Variants in ATG14 observed in about 807,000 individuals in gnomAD.
ATG14 encodes autophagy related 14, also known as beclin 1-associated autophagy-related key regulator.
In ATG14, 35 loss-of-function variants were observed where a neutral mutation model predicts 60.4. The observed-to-expected ratio is 0.58, with a 90% CI of 0.44 to 0.77. The LOEUF is 0.77. Ranked by LOEUF, ATG14 falls within the 30% of genes least tolerant of loss-of-function variation. The pLI is 0.00. For synonymous variants in ATG14, 234 were observed against 228.8 expected (o/e 1.02, Z -0.21); for missense variants, 647 against 626.3 (o/e 1.03, Z -0.35).
rs1885579578 is a variant in ATG14 at position 55,411,781 on chromosome 14, A to G, written c.42T>C (p.Ala14=). 1 of 1,604,032 alleles carries G rather than the reference A, an allele frequency of 6.2e-7. No individual in the cohort carries two copies. Among genetic ancestry groups the G allele is most frequent in the Non-Finnish European group, 8.5e-7 (1 of 1,175,886 alleles). The change falls in exon 1 of 10, where the codon GCT becomes GCC. Residue 14 remains alanine (A), a synonymous_variant. Coordinates refer to ENST00000247178, the MANE Select transcript of ATG14 (RefSeq NM_014924.5). The part of the protein sequence containing the change: ...PSGKGARALE[A]PGCGPRPLAR... ...CGAGCGGCCGGGGCCCGCAGCCAGG[A>G]GCCTCCAGCGCCCGGGCTCCCTTCC...
intron 9 of ATG14, among the ~76,000 whole-genome samples, chr14:55,374,655 A>AT (rs1170260736): frequency 1.3e-5 from 2 of 152,064 alleles, no homozygotes; most frequent in African/African-American, 4.8e-5. Flanking sequence ...TTATAGCTGT[A>AT]TTTTTTTAAA....
At chr14:55,407,451 G>C (rs957698904) in intron 1 of ATG14, among the ~76,000 whole-genome samples, 1 of 152,152 alleles carries the variant, frequency 6.6e-6, no homozygotes, top group Non-Finnish European at 1.5e-5. Context: ...TTTTAGTAGA[G>C]ATACGGTTTC....
At chr14:55,382,757 G>T (rs890085156) in intron 5 of ATG14, among the ~76,000 whole-genome samples, 31 of 152,124 alleles carry the variant, frequency 2.0e-4, no homozygotes, top group African/African-American at 7.5e-4. Context: ...GGAACCATGA[G>T]GTAGGGCTGA....
chr14:55,372,098 T>C (rs902170836), intron 9 of ATG14, among the ~76,000 whole-genome samples: 1 of 152,110 alleles, frequency 6.6e-6, no homozygotes, highest in Non-Finnish European at 1.5e-5. Context: ...CACTCCCAAA[T>C]ATCCTCTGGT....
rs774855409 is a variant in ATG14 at position 55,380,674 on chromosome 14, G to C, written c.894C>G (p.Asn298Lys). 6.2e-7 allele frequency: 1 copy of C among 1,604,368 alleles called. No individual in the cohort carries two copies. The highest frequency in any genetic ancestry group is 8.5e-7 in the Non-Finnish European group (1 of 1,175,454). Residue 298 changes from asparagine (N) to lysine (K), a missense_variant, in exon 7 of 10, where the codon AAC becomes AAG. Physicochemically the swap from Asn to Lys is moderately conservative, Grantham distance 94. Transcript: ENST00000247178. ...GCGCAGCACTGATGGTGTAGGCAGG[G>C]TTACTCTGCTCCATGTCTGCAGTAA... ...TTQGPDMEQS[N>K]PAYTISAALC...
At chr14:55,371,614 C>CT (rs1282462298) in intron 9 of ATG14, among the ~76,000 whole-genome samples, 1 of 152,080 alleles carries the variant, frequency 6.6e-6, no homozygotes, top group African/African-American at 2.4e-5. Context: ...AGACCATTGG[C>CT]TAACACAGTG....
At chr14:55,374,711 T>C (rs1884886539) in intron 9 of ATG14, among the ~76,000 whole-genome samples, 1 of 152,208 alleles carries the variant, frequency 6.6e-6, no homozygotes, top group African/African-American at 2.4e-5. Context: ...ATATAGAATG[T>C]GGTATGAACT....
At chr14:55,380,413 G>A (rs1252249106) in intron 7 of ATG14, among the ~76,000 whole-genome samples, 160 bp downstream of exon 7, 1 of 152,128 alleles carries the variant, frequency 6.6e-6, no homozygotes. Context: ...AAACGAATCT[G>A]CACATAAGGC....
chr14:55,400,914 A>T (rs1243587777), intron 1 of ATG14, among the ~76,000 whole-genome samples: 1 of 70,936 alleles, frequency 1.4e-5, no homozygotes. Flanking sequence ...ATAAATAAAT[A>T]AAATAAAATA....
intron 5 of ATG14, among the ~76,000 whole-genome samples, chr14:55,383,821 A>G (rs529454936): frequency 1.3e-5 from 2 of 151,874 alleles, no homozygotes; most frequent in South Asian, 4.2e-4. Context: ...AGTGAGGGGG[A>G]AGAACATAGC....
At chr14:55,383,136 A>C (rs1448202129) in intron 5 of ATG14, among the ~76,000 whole-genome samples, 2 of 152,266 alleles carry the variant, frequency 1.3e-5, no homozygotes, top group Non-Finnish European at 2.9e-5. Context: ...TTCAGTGTGC[A>C]GCACAAGGGC....
intron 9 of ATG14, among the ~76,000 whole-genome samples, chr14:55,377,377 G>C (rs552170999): frequency 6.6e-6 from 1 of 151,992 alleles, no homozygotes; most frequent in African/African-American, 2.4e-5. Context: ...GAATTGTTAC[G>C]ACGGACAAGG....
At chr14:55,381,928 A>T in intron 6 of ATG14, 34 bp downstream of exon 6, 2 of 1,556,498 alleles carry the variant, frequency 1.3e-6, no homozygotes, top group Non-Finnish European at 1.8e-6. Flanking sequence ...AACTCTCTCT[A>T]TATATAGATT....
chr14:55,384,921 G>A (rs1347513389), intron 5 of ATG14, among the ~76,000 whole-genome samples: 1 of 152,234 alleles, frequency 6.6e-6, no homozygotes, highest in East Asian at 1.9e-4. Flanking sequence ...TGGGAGGTTG[G>A]AGGGGTGCCC....
chr14:55,372,279 C>T (rs1012507810), intron 9 of ATG14, among the ~76,000 whole-genome samples: 4 of 148,156 alleles, frequency 2.7e-5, no homozygotes, highest in Middle Eastern at 3.4e-3. Context: ...AGGTCCTCAC[C>T]ATATCACCAC....
intron 4 of ATG14, among the ~76,000 whole-genome samples, chr14:55,387,917 C>A (rs1315449312): frequency 6.6e-6 from 1 of 152,186 alleles, no homozygotes; most frequent in Non-Finnish European, 1.5e-5. Flanking sequence ...CCGCCTCGGC[C>A]TCCCAAAGTG....
In ATG14 at chr14:55,368,690, T is replaced by C. The variant is rs1258273634; in HGVS notation, c.*929A>G. On this transcript the variant is annotated 3_prime_UTR_variant, in exon 10 of 10. Coordinates refer to ENST00000247178, the MANE Select transcript of ATG14 (RefSeq NM_014924.5). ...AACACCTGCCACCTACTCAATCCCA[T>C]AGAAAGAAAGTGGACACCACAAGAA... The C allele has an allele frequency of 6.6e-6, 1 of 152,046 alleles. No individual in the cohort carries two copies. Among genetic ancestry groups the C allele is most frequent in the African/African-American group, 2.4e-5 (1 of 41,398 alleles). The allele number at this position is 152,046 out of a possible 1,614,324, so 9.4% of individuals were successfully genotyped here.
chr14:55,384,026 A>G (rs1381302853), intron 5 of ATG14, among the ~76,000 whole-genome samples: 1 of 152,184 alleles, frequency 6.6e-6, no homozygotes, highest in Non-Finnish European at 1.5e-5. Flanking sequence ...TACGTATAAG[A>G]TAGCTGCTAC....
At chr14:55,411,304 C>A (rs973616807) in intron 1 of ATG14, among the ~76,000 whole-genome samples, 3 of 152,234 alleles carry the variant, frequency 2.0e-5, no homozygotes, top group Admixed American at 1.3e-4. Flanking sequence ...ATGGCAGCAA[C>A]GGGAAAACTT....
Sources: allele counts gnomAD v4.1 joint callset (sites outside exome capture counted in the v4.1 genomes callset), GRCh38; gene constraint gnomAD v4.1.1; transcripts MANE v1.5; gene names NCBI Gene and HGNC (gene_info 2026-07-23, HGNC 2026-07-21).